The following PCDHA1 variants were observed in gnomAD, a reference collection of about 807,000 sequenced individuals.
PCDHA1 encodes protocadherin alpha 1.
PCDHA1 carries 42 observed loss-of-function variants against 61.3 expected under a neutral mutation model. The observed-to-expected ratio is 0.69, with a 90% confidence interval of 0.54 to 0.89. The LOEUF (loss-of-function observed/expected upper bound fraction) is 0.89, where lower values mean the gene tolerates loss of function less well. Among genes scored for constraint, PCDHA1 ranks in the 40% least tolerant of loss-of-function variants. PCDHA1 has a pLI of 0.00. For synonymous variants in PCDHA1, 610 were observed against 553.8 expected (o/e 1.10, Z -1.43); for missense variants, 1,256 against 1,235.3 (o/e 1.02, Z -0.25).
At chr5:140,869,457 T>A (rs1554163081) in intron 1 of PCDHA1, 2 of 1,614,184 alleles carry the variant, frequency 1.2e-6, no homozygotes, top group Non-Finnish European at 1.7e-6. Flanking sequence ...AGGTTTTCCA[T>A]GTGAACGTGG....
intron 1 of PCDHA1, chr5:140,796,978 A>G (rs1554120232): frequency 6.2e-7 from 1 of 1,613,816 alleles, no homozygotes. Flanking sequence ...GTTGGTGGAA[A>G]GTGGCCAGGC....
At chr5:140,921,414 T>G (rs2080207969) in intron 1 of PCDHA1, among the ~76,000 whole-genome samples, 1 of 152,206 alleles carries the variant, frequency 6.6e-6, no homozygotes, top group Admixed American at 6.5e-5. Flanking sequence ...TCCTCTGTGC[T>G]GCAGACAAAA....
chr5:141,009,706 C>G lies in PCDHA1; in HGVS notation c.2622C>G (p.Gly874=). Reference sequence around the variant, plus strand: ...GCTGGACCTTTAAATACGGACCAGGCAACCCCAAACAATCCGGTCCCGGTG... The same window carrying G: ...GCTGGACCTTTAAATACGGACCAGGGAACCCCAAACAATCCGGTCCCGGTG... ...SNSWTFKYGP[G]NPKQSGPGEL... The change falls in exon 4 of 4, where the codon GGC becomes GGG. Residue 874 remains glycine, a synonymous_variant. Transcript: ENST00000504120. 1 of 1,614,118 alleles carries G rather than the reference C, an allele frequency of 6.2e-7. No homozygotes were observed. Among genetic ancestry groups the G allele is most frequent in the Non-Finnish European group, 8.5e-7 (1 of 1,180,020 alleles).
Position 140,788,146 on chromosome 5 carries a change from G to T in PCDHA1, c.1856G>T (p.Arg619Leu), listed in dbSNP as rs1554118154. 27 of 1,613,852 alleles carry T rather than the reference G, an allele frequency of 1.7e-5. No homozygotes were observed. The highest frequency in any genetic ancestry group is 2.3e-5 in the Non-Finnish European group (27 of 1,179,910). Residue 619 changes from arginine (R) to leucine (L), a missense_variant, in exon 1 of 4, where the codon CGC (arginine) becomes CTC (leucine). Physicochemically the swap from Arg to Leu is moderately radical, Grantham distance 102 (BLOSUM62 -2). Transcript: ENST00000504120. ...YELQPAAGGA[R>L]IPFRVGLYTG... ...CTGCAGCCGGCAGCAGGCGGCGCGC[G>T]CATCCCGTTCCGCGTGGGGCTGTAC...
In PCDHA1 at chr5:140,787,819, T is replaced by C. The variant is rs147501282; in HGVS notation, c.1529T>C (p.Val510Ala). ...GERALSNYVS[V>A]HAESGKVYAL... ...CGCGCGCTGTCGAACTACGTGTCAG[T>C]GCACGCGGAGAGCGGCAAGGTGTAC... Residue 510 changes from valine (V) to alanine (A), a missense_variant, in exon 1 of 4, where the codon GTG becomes GCG. Transcript: ENST00000504120. 357 of 1,612,398 alleles carry C rather than the reference T, an allele frequency of 2.2e-4. 1 individual carries two copies. Among genetic ancestry groups the C allele is most frequent in the Middle Eastern group, 2.0e-4 (1 of 5,122 alleles).
rs573633705 is a variant in PCDHA1, at chr5:140,978,668, C to T, written c.2395-281C>T. ...TGTTCTTCCCGTAGTGTTTTAAGAACACAGACATGTATTGGGCAAGGCAAA... is the reference window on the plus strand; with the variant it reads ...TGTTCTTCCCGTAGTGTTTTAAGAATACAGACATGTATTGGGCAAGGCAAA... On this transcript the variant is annotated intron_variant, in intron 1 of 3. Coordinates refer to ENST00000504120, the MANE Select transcript of PCDHA1 (RefSeq NM_018900.4). 4.6e-5 allele frequency among the ~76,000 whole-genome samples: 7 copies of T among 152,362 alleles called. No homozygotes were observed. The East Asian group carries it at 1.3e-3, about 29-fold the overall frequency.
chr5:140,853,510 A>T, intron 1 of PCDHA1: 1 of 977,306 alleles, frequency 1.0e-6, no homozygotes, highest in Non-Finnish European at 1.2e-6. Context: ...TGAAACAATA[A>T]TGAAGCTCCT....
chr5:140,887,391 C>T lies in PCDHA1; in HGVS notation c.2395-91558C>T, dbSNP rs181873563. ...GATTACAGGTGTGAGCCACCGCGCC[C>T]GGCTCTTTATCTCATTTTTATTTTT... On this transcript the variant is annotated intron_variant, in intron 1 of 3. Coordinates refer to ENST00000504120, the MANE Select transcript of PCDHA1 (RefSeq NM_018900.4). Among the ~76,000 whole-genome samples, 23 of 152,222 alleles carry T rather than the reference C, an allele frequency of 1.5e-4. 1 individual carries two copies. Among genetic ancestry groups the T allele is most frequent in the African/African-American group, 4.8e-4 (20 of 41,540 alleles).
chr5:140,900,437 C>T (rs1284375985), intron 1 of PCDHA1, among the ~76,000 whole-genome samples: 4 of 152,148 alleles, frequency 2.6e-5, no homozygotes, highest in African/African-American at 9.7e-5. Flanking sequence ...GCCACCACGG[C>T]CGGCTAATTT....
chr5:140,919,593 T>A (rs541275874), intron 1 of PCDHA1, among the ~76,000 whole-genome samples: 1 of 152,332 alleles, frequency 6.6e-6, no homozygotes, highest in South Asian at 2.1e-4. Flanking sequence ...TGGTAATTTT[T>A]AAAATAAATT....
chr5:140,856,904 C>A, intron 1 of PCDHA1: 2 of 1,596,242 alleles, frequency 1.3e-6, no homozygotes, highest in Non-Finnish European at 1.7e-6. Context: ...TTTGGTCCCA[C>A]CCACGATAAG....
At chr5:140,917,318 A>G (rs961734758) in intron 1 of PCDHA1, among the ~76,000 whole-genome samples, 1 of 99,850 alleles carries the variant, frequency 1.0e-5, no homozygotes, top group South Asian at 3.3e-4. Context: ...TTTGGTGTTC[A>G]TGTGGCGGGG....
intron 3 of PCDHA1, among the ~76,000 whole-genome samples, chr5:140,986,987 G>A (rs1269328331): frequency 2.6e-5 from 4 of 152,114 alleles, no homozygotes; most frequent in Non-Finnish European, 4.4e-5. Flanking sequence ...GCCAAGGCAG[G>A]CAGATCACTT....
intron 3 of PCDHA1, among the ~76,000 whole-genome samples, chr5:140,998,657 T>G (rs1252646330): frequency 6.6e-6 from 1 of 151,974 alleles, no homozygotes; most frequent in African/African-American, 2.4e-5. Flanking sequence ...CTCTGCCTCC[T>G]GGGTTCAAGT....
At chr5:140,863,532 T>G (rs1554158313) in intron 1 of PCDHA1, 1 of 390,936 alleles carries the variant, frequency 2.6e-6, no homozygotes, top group Non-Finnish European at 5.0e-6. Context: ...GTTCAGATTT[T>G]GGAGATGGAC....
At chr5:140,902,185 TTC>T (rs370111655) in intron 1 of PCDHA1, among the ~76,000 whole-genome samples, 3 of 150,766 alleles carry the variant, frequency 2.0e-5, no homozygotes, top group South Asian at 2.1e-4. Flanking sequence ...CCTTTATGTC[TTC>T]TCTCTCTCTC....
chr5:140,803,205 G>A (rs1485763647), intron 1 of PCDHA1: 1 of 1,613,898 alleles, frequency 6.2e-7, no homozygotes, highest in Non-Finnish European at 8.5e-7. Context: ...GGTGTCGCTG[G>A]TGGAGAGTGG....
chr5:140,941,820 C>T (rs2093176252), intron 1 of PCDHA1, among the ~76,000 whole-genome samples: 1 of 152,160 alleles, frequency 6.6e-6, no homozygotes, highest in Non-Finnish European at 1.5e-5. Flanking sequence ...AGGATGACTG[C>T]TGTAAATAAT....
intron 1 of PCDHA1, chr5:140,875,613 C>G (rs2055652849): frequency 8.1e-6 from 13 of 1,613,708 alleles, no homozygotes; most frequent in Non-Finnish European, 1.1e-5. Flanking sequence ...TCGTGGGCCG[C>G]ATCGCTCAGG....
Sources: gnomAD v4.1 joint callset for allele counts (sites outside exome capture counted in the v4.1 genomes callset) on GRCh38, gnomAD v4.1.1 for gene constraint, MANE v1.5 for transcripts, NCBI Gene and HGNC (gene_info 2026-07-23, HGNC 2026-07-21) for gene names.